RBMX: variants seen among roughly 807,000 people sequenced by gnomAD.
The protein encoded by RBMX is RNA-binding motif protein, X chromosome.
In RBMX, 1 loss-of-function variant was observed where a neutral mutation model predicts 29.3. That is an observed-to-expected ratio of 0.03 (90% confidence interval 0.01 to 0.16). The LOEUF (loss-of-function observed/expected upper bound fraction) is 0.16. RBMX is among the 10% of genes least tolerant of loss of function. RBMX has a pLI of 1.00. For missense variants in RBMX, 121 were observed against 333.2 expected (o/e 0.36, Z 4.96); for synonymous variants, 102 against 102.3 (o/e 1.00, Z 0.02).
chrX:136,878,702 A>ACTGCAC (rs777394450), intron 3 of RBMX, among the ~76,000 whole-genome samples: 8 of 70,583 alleles, frequency 1.1e-4, no homozygotes, highest in African/African-American at 4.0e-4. Flanking sequence ...TGCAGTGGGC[A>ACTGCAC]CTGCACCATT....
intron 5 of RBMX, among the ~76,000 whole-genome samples, chrX:136,876,125 GTTTTTTTTTTTTT>G (rs778800086): frequency 1.7e-4 from 13 of 77,728 alleles, no homozygotes; most frequent in Non-Finnish European, 2.5e-4. Context: ...TTTTTTTTTT[GTTTTTTTTTTTTT>G]TTTGGAGACA....
At chrX:136,871,738 C>A (rs1157161812), downstream of RBMX, among the ~76,000 whole-genome samples, 6 of 108,472 alleles carry the variant, frequency 5.5e-5, no homozygotes, top group Non-Finnish European at 7.6e-5. Flanking sequence ...CAACCTCTGC[C>A]TCCTGGGTTC....
chrX:136,874,886 G>A, intron 8 of RBMX, 200 bp downstream of exon 8: 1 of 771,249 alleles, frequency 1.3e-6, no homozygotes, highest in Non-Finnish European at 1.7e-6. Flanking sequence ...CCCCTCCAAA[G>A]CAAGCAAACA....
rs1330111008 is a variant in RBMX at position 136,876,497 on chromosome X, A to G, written c.541+6T>C. 2 of 1,166,344 alleles carry G rather than the reference A, an allele frequency of 1.7e-6. No homozygotes were observed. Among genetic ancestry groups the G allele is most frequent in the African/African-American group, 3.7e-5 (2 of 54,427 alleles). On this transcript the variant is annotated splice_donor_region_variant and intron_variant, in intron 5 of 8. Coordinates refer to ENST00000320676, the MANE Select transcript of RBMX (RefSeq NM_002139.4). ...TAGCATAAATCATCATACATGGAAC[A>G]TTTACCTCTTCCTCCCATTCCACTG...
Position 136,876,297 on chromosome X carries a change from A to AT in RBMX, c.541+205dup, listed in dbSNP as rs770491504. 9.4e-5 allele frequency among the ~76,000 whole-genome samples: 10 copies of AT among 106,900 alleles called. No individual in the cohort carries two copies. The East Asian group carries it at 2.7e-3, about 29-fold the overall frequency. 92.8% of individuals were successfully genotyped at this position (106,900 alleles called of 115,157 possible). On this transcript the variant is annotated intron_variant, in intron 5 of 8. Coordinates refer to ENST00000320676, the MANE Select transcript of RBMX (RefSeq NM_002139.4). ...CGCCCTACACTCAGCTAATTTTTGT[A>AT]TTTTTTAGTAGAGACGGGGTTTCAC...
chrX:136,870,910 C>T (rs1344609852), downstream of RBMX, among the ~76,000 whole-genome samples: 1 of 108,215 alleles, frequency 9.2e-6, no homozygotes, highest in Admixed American at 1.0e-4. Flanking sequence ...GGTTCAAGAC[C>T]AGCCTGGCCA....
At position 136,879,300 on chromosome X, in the gene RBMX, G is replaced by T; in HGVS notation, c.109+19C>A. The stretch of plus-strand genomic sequence containing the variant: ...TATTTTAATTATAATAGCCCAGCCT[G>T]TACTGCCAGACAACTCACCTTCCAC... On this transcript the variant is annotated intron_variant, in intron 2 of 8. Transcript: ENST00000320676. 1.7e-6 allele frequency: 2 copies of T among 1,204,706 alleles called. No individual in the cohort carries two copies. The highest frequency in any genetic ancestry group is 2.2e-6 in the Non-Finnish European group (2 of 889,309).
chrX:136,878,906 T>C (rs1437457490), intron 3 of RBMX, 111 bp downstream of exon 3: 9 of 965,865 alleles, frequency 9.3e-6, no homozygotes, highest in Non-Finnish European at 1.3e-5. Context: ...CAGACAGGTA[T>C]ATACTGAAAA....
At chrX:136,872,042 G>C (rs12393896), downstream of RBMX, among the ~76,000 whole-genome samples, 1,829 of 111,165 alleles carry the variant, frequency 0.016, 36 homozygotes, top group African/African-American at 0.057. Flanking sequence ...AAATAGCTAA[G>C]AATAATCTCA....
downstream of RBMX, among the ~76,000 whole-genome samples, chrX:136,870,854 C>T (rs1249379534): frequency 9.3e-6 from 1 of 107,529 alleles, no homozygotes; most frequent in Non-Finnish European, 1.9e-5. Flanking sequence ...CGTCTATAAT[C>T]TCAGCACATT....
In RBMX at chrX:136,873,577, A is replaced by G; in HGVS notation, c.*565T>C. 1.3e-6 allele frequency: 1 copy of G among 755,102 alleles called. No individual in the cohort carries two copies. Among genetic ancestry groups the G allele is most frequent in the Non-Finnish European group, 1.6e-6 (1 of 639,407 alleles). The allele number at this position is 755,102 out of a possible 1,213,427, so 62.2% of individuals were successfully genotyped here. A position where few individuals can be genotyped will look rare whatever the true frequency, so the allele number is the denominator to read the frequency against. Reference sequence around the variant, plus strand: ...TGCAGATTCCCAAGGAAATGTCAGAAAGGCAAAATGGCCAGCATTATCCAT... The same window carrying G: ...TGCAGATTCCCAAGGAAATGTCAGAGAGGCAAAATGGCCAGCATTATCCAT... On this transcript the variant is annotated 3_prime_UTR_variant, in exon 9 of 9. Transcript: ENST00000320676.
At chrX:136,877,654 A>T (rs1346249961) in intron 4 of RBMX, among the ~76,000 whole-genome samples, 1 of 110,548 alleles carries the variant, frequency 9.0e-6, no homozygotes, top group Non-Finnish European at 1.9e-5. Flanking sequence ...TTCATGTCCA[A>T]CACCCTGGCC....
At chrX:136,880,371 C>T (rs1240122997) in intron 1 of RBMX, among the ~76,000 whole-genome samples, 2 of 112,591 alleles carry the variant, frequency 1.8e-5, no homozygotes, top group African/African-American at 3.2e-5. Flanking sequence ...GCCCCGACCT[C>T]CGCTACCAAC....
downstream of RBMX, chrX:136,872,422 T>C: frequency 2.2e-6 from 2 of 901,961 alleles, no homozygotes; most frequent in Non-Finnish European, 1.6e-6. Flanking sequence ...TACTGCCCTC[T>C]TTTCCAGAAA....
downstream of RBMX, among the ~76,000 whole-genome samples, chrX:136,871,168 C>A (rs1393130941): frequency 9.3e-6 from 1 of 107,595 alleles, no homozygotes; most frequent in African/African-American, 3.4e-5. Context: ...CATAGGCGGC[C>A]AGGTGCGGTG....
chrX:136,878,744 TC>T (rs1260859876), intron 3 of RBMX, among the ~76,000 whole-genome samples: 15 of 43,314 alleles, frequency 3.5e-4, no homozygotes, highest in African/African-American at 1.5e-3. Context: ...AGGGAGACTA[TC>T]AAAAAAAAAA....
intron 4 of RBMX, 139 bp from the exon 5 acceptor site, chrX:136,876,794 G>C (rs935874669): frequency 5.1e-5 from 21 of 415,804 alleles, no homozygotes; most frequent in Non-Finnish European, 7.4e-5. Context: ...TGCAACCTCT[G>C]CCTCCTGGGT....
intron 8 of RBMX, 41 bp from the exon 9 acceptor site, chrX:136,874,493 T>C (rs749755124): frequency 2.6e-6 from 3 of 1,171,326 alleles, no homozygotes; most frequent in South Asian, 3.7e-5. Flanking sequence ...ACACTATAAA[T>C]TGTATATATA....
At position 136,874,356 on chromosome X, in the gene RBMX, C is replaced by T; in HGVS notation, c.962G>A (p.Gly321Asp). Residue 321 changes from glycine to aspartate, a missense_variant, in exon 9 of 9, where the codon GGT becomes GAT. Gly to Asp is a moderately conservative substitution (Grantham distance 94). This residue lies in a region of RBMX where 114 missense variants were observed against 260.0 expected (regional missense o/e 0.44). Transcript: ENST00000320676. ...GCTTGAGTAACTGTCTCGACTTCCA[C>T]CATATCCGTCACGTGAGCTGCTGTA... ...DDYSSSRDGY[G>D]GSRDSYSSSR... 8.2e-7 allele frequency: 1 copy of T among 1,212,893 alleles called. No individual in the cohort carries two copies. The highest frequency in any genetic ancestry group is 1.1e-6 in the Non-Finnish European group (1 of 895,680).
Sources: allele counts gnomAD v4.1 joint callset (sites outside exome capture counted in the v4.1 genomes callset), GRCh38; gene constraint gnomAD v4.1.1; regional missense constraint gnomAD v4.1.1; transcripts MANE v1.5; gene names NCBI Gene and HGNC (gene_info 2026-07-23, HGNC 2026-07-21).